EIF2D: variants seen among roughly 807,000 people sequenced by gnomAD.
EIF2D encodes hepatocellular carcinoma-associated antigen 56.
A neutral mutation model predicts 77.4 loss-of-function variants in EIF2D; 56 were observed. That is an observed-to-expected ratio of 0.72 (90% CI 0.58 to 0.90). The LOEUF is 0.90. EIF2D is among the 40% of genes least tolerant of loss of function. The probability of loss-of-function intolerance (pLI) is 0.00; values close to 1 mark genes in which losing one functional copy is unlikely to be tolerated. For missense variants in EIF2D, 574 were observed against 706.5 expected, an observed-to-expected ratio of 0.81 and a Z score of 2.13; for synonymous variants, 230 against 271.0, an observed-to-expected ratio of 0.85 and a Z score of 1.49.
chr1:206,603,072 C>T lies in EIF2D; in HGVS notation c.663G>A (p.Glu221=). ...GAACCTCCCCATTCTCCTCTTCCCC[C>T]TCCAGGGTCATGTGCCTCATGTCTC... is the stretch of plus-strand genomic sequence containing the variant. The part of the protein sequence containing the change: ...LQGDMRHMTL[E]GEEENGEVHQ... Residue 221 remains glutamate (E), a synonymous_variant, in exon 6 of 15, where the codon GAG becomes GAA. Coordinates refer to ENST00000271764, the MANE Select transcript of EIF2D (RefSeq NM_006893.3). The T allele has an allele frequency of 6.2e-7, 1 of 1,614,218 alleles. No homozygotes were observed. The highest frequency in any genetic ancestry group is 8.5e-7 in the Non-Finnish European group (1 of 1,180,048).
At chr1:206,586,036 T>G (rs1393706457) in intron 2 of EIF2D, 5 of 152,286 alleles carry the variant, frequency 3.3e-5, no homozygotes, top group African/African-American at 1.2e-4. Flanking sequence ...TGTGGAAAGC[T>G]CAGGCACTTT....
intron 2 of EIF2D, chr1:206,583,159 G>A (rs1170358745): frequency 1.4e-6 from 1 of 731,470 alleles, no homozygotes; most frequent in African/African-American, 1.7e-5. Context: ...CCACTCTGCA[G>A]GGCTGGATGC....
In EIF2D at chr1:206,609,722, C is replaced by G. The variant is rs191071965; in HGVS notation, c.248-263G>C. 1.4e-4 allele frequency among the ~76,000 whole-genome samples: 21 copies of G among 152,264 alleles called. No individual in the cohort carries two copies. In the East Asian group the frequency reaches 4.1e-3, roughly 29 times the overall value. On this transcript the variant is annotated intron_variant, in intron 2 of 14. Coordinates refer to ENST00000271764, the MANE Select transcript of EIF2D (RefSeq NM_006893.3). ...GTCACAGTGGACAAAAAAGTGAGGGCAGAGAACCAATGAAGCTTTTATTTA... is the reference window on the plus strand; with the variant it reads ...GTCACAGTGGACAAAAAAGTGAGGGGAGAGAACCAATGAAGCTTTTATTTA...
At chr1:206,572,461 G>C (rs1553404375) in intron 5 of EIF2D, 1 of 152,212 alleles carries the variant, frequency 6.6e-6, no homozygotes, top group African/African-American at 2.4e-5. Context: ...AGAGAGGAAG[G>C]GAGTCTGTCC....
At chr1:206,586,737 G>C, downstream of EIF2D, 1 of 980,768 alleles carries the variant, frequency 1.0e-6, no homozygotes, top group Non-Finnish European at 1.6e-6. Flanking sequence ...AACTGGGAAG[G>C]GGAAGGCAGC....
chr1:206,587,111 C>A, downstream of EIF2D: 1 of 1,154,676 alleles, frequency 8.7e-7, no homozygotes, highest in Non-Finnish European at 1.3e-6. Context: ...CCAGCTGTGG[C>A]AAAAGTCTCT....
At chr1:206,593,488 C>CGACA (rs1669461690) in intron 14 of EIF2D, 131 bp downstream of exon 14, 9 of 307,506 alleles carry the variant, frequency 2.9e-5, no homozygotes, top group African/African-American at 2.5e-4. Flanking sequence ...AGAGAGAGAG[C>CGACA]GAGAGAGAGA....
chr1:206,577,200 G>C (rs558805053), intron 4 of EIF2D, among the ~76,000 whole-genome samples: 1 of 152,134 alleles, frequency 6.6e-6, no homozygotes, highest in African/African-American at 2.4e-5. Context: ...AACAGACTGC[G>C]TGGCCTGCAA....
intron 5 of EIF2D, chr1:206,604,854 G>C (rs977102318): frequency 2.6e-5 from 4 of 152,038 alleles, no homozygotes; most frequent in African/African-American, 9.7e-5. Flanking sequence ...ACTGCTTACT[G>C]TTTTGCTAAA....
chr1:206,576,827 G>T (rs1668676175), intron 4 of EIF2D, among the ~76,000 whole-genome samples: 2 of 152,112 alleles, frequency 1.3e-5, no homozygotes, highest in Non-Finnish European at 2.9e-5. Context: ...TTTGAGACAG[G>T]GTCTTGCTCT....
At chr1:206,590,449 T>G (rs930911189), downstream of EIF2D, among the ~76,000 whole-genome samples, 2 of 152,212 alleles carry the variant, frequency 1.3e-5, no homozygotes, top group Admixed American at 6.5e-5. Flanking sequence ...TTACTTGTAT[T>G]CACATAAGGA....
chr1:206,596,873 G>T (rs1483070104), intron 12 of EIF2D, among the ~76,000 whole-genome samples: 1 of 151,956 alleles, frequency 6.6e-6, no homozygotes, highest in Non-Finnish European at 1.5e-5. Flanking sequence ...TTTAATTAAT[G>T]TTCCTTTTTG....
chr1:206,591,566 C>T (rs1669338296), downstream of EIF2D: 3 of 595,918 alleles, frequency 5.0e-6, no homozygotes, highest in Admixed American at 5.9e-5. Flanking sequence ...GTGACCTCTT[C>T]TGTCCATTTA....
At position 206,584,806 on chromosome 1, in the gene EIF2D, G is replaced by A; in HGVS notation, c.139-3644C>T. On this transcript the variant is annotated intron_variant and NMD_transcript_variant, in intron 2 of 5. Coordinates refer to the EIF2D transcript ENST00000472709. The surrounding 1 kb of genome is among the most constrained non-coding windows in gnomAD (Gnocchi z 4.9). ...GCTTCTCCTGAGCACCAGGGGTCCA[G>A]CTGCCCATGTGGTGTTCAGATCTGT... 9.7e-7 allele frequency: 1 copy of A among 1,032,766 alleles called. No homozygotes were observed. The highest frequency in any genetic ancestry group is 1.4e-6 in the Non-Finnish European group (1 of 698,444). 64.0% of individuals were successfully genotyped at this position (1,032,766 alleles called of 1,614,324 possible). A position where few individuals can be genotyped will look rare whatever the true frequency, so the allele number is the denominator to read the frequency against.
chr1:206,593,200 G>A (rs1220585341), intron 14 of EIF2D, among the ~76,000 whole-genome samples: 16 of 151,992 alleles, frequency 1.1e-4, no homozygotes, highest in African/African-American at 2.4e-4. Flanking sequence ...GGCAAGGTAC[G>A]GAACCTCTCT....
At position 206,612,431 on chromosome 1, in the gene EIF2D, G is replaced by C. The variant is rs1457107951; in HGVS notation, c.-89C>G. On this transcript the variant is annotated 5_prime_UTR_variant, in exon 1 of 15. Transcript: ENST00000271764. ...CAGCAGCTGCCAGGCCCTCAGCCGT[G>C]GGGGCAGCCATGCTGGGGCCCGGCC... is the stretch of plus-strand genomic sequence containing the variant. The C allele has an allele frequency of 8.4e-6, 13 of 1,556,172 alleles. No individual in the cohort carries two copies. The African/African-American group carries it at 1.4e-4, about 16-fold the overall frequency.
intron 4 of EIF2D, among the ~76,000 whole-genome samples, chr1:206,577,588 CT>C (rs1252554407): frequency 1.3e-5 from 2 of 152,222 alleles, no homozygotes; most frequent in Non-Finnish European, 2.9e-5. Flanking sequence ...CCAACACACA[CT>C]TGTGTTCATC....
At chr1:206,605,180 A>C (rs1670142132) in intron 5 of EIF2D, 1 of 419,628 alleles carries the variant, frequency 2.4e-6, no homozygotes, top group Non-Finnish European at 4.3e-6. Context: ...CTTTGGGTCT[A>C]AGATTCTATA....
downstream of EIF2D, chr1:206,589,525 T>C (rs781896020): frequency 7.2e-5 from 11 of 152,174 alleles, no homozygotes; most frequent in African/African-American, 1.2e-4. Context: ...AGGAGACTGA[T>C]TGCAGGCAGA....
Sources: gnomAD v4.1 joint callset for allele counts (sites outside exome capture counted in the v4.1 genomes callset) on GRCh38, gnomAD v4.1.1 for gene constraint, Gnocchi (gnomAD v3.1) non-coding constraint, MANE v1.5 for transcripts, NCBI Gene and HGNC (gene_info 2026-07-23, HGNC 2026-07-21) for gene names.